Variants in MIA2 observed in about 807,000 individuals in gnomAD.
MIA2 encodes the protein melanoma inhibitory activity protein 2.
In MIA2, 127 loss-of-function variants were observed where a neutral mutation model predicts 167.8. The observed-to-expected ratio is 0.76, with a 90% CI of 0.66 to 0.88. The LOEUF (loss-of-function observed/expected upper bound fraction) is 0.88, where lower values mean the gene tolerates loss of function less well. Among genes scored for constraint, MIA2 ranks in the 40% least tolerant of loss-of-function variants. MIA2 has a pLI of 0.00. For missense variants in MIA2, 1,690 were observed against 1,624.7 expected (o/e 1.04, Z -0.69); for synonymous variants, 552 against 541.9 (o/e 1.02, Z -0.26).
In MIA2 at chr14:39,253,112, A is replaced by G. The variant is rs1263686164; in HGVS notation, c.1828A>G (p.Ile610Val). The change falls in exon 6 of 29, where the codon ATT becomes GTT. Residue 610 changes from isoleucine to valine, a missense_variant. Physicochemically the swap from Ile to Val is conservative, Grantham distance 29 (BLOSUM62 3). Transcript: ENST00000640607. ...EFQILKYLFQ[I>V]DVYDFMNSAF... ...TCAGATTCTGAAATACTTATTCCAA[A>G]TTGATGTTTATGATTTCATGAATTC... 6.2e-7 allele frequency: 1 copy of G among 1,604,722 alleles called. No individual in the cohort carries two copies. Among genetic ancestry groups the G allele is most frequent in the Non-Finnish European group, 8.5e-7 (1 of 1,175,610 alleles).
At position 39,321,072 on chromosome 14, in the gene MIA2, A is replaced by T; in HGVS notation, c.3496+16A>T. The T allele has an allele frequency of 6.2e-7, 1 of 1,602,124 alleles. No individual in the cohort carries two copies. Among genetic ancestry groups the T allele is most frequent in the Non-Finnish European group, 8.5e-7 (1 of 1,175,590 alleles). ...GGAGGAAGAGGTATATTGTTTAAAC[A>T]TCTTTATTACTCTAGATTTCTTCCT... On this transcript the variant is annotated intron_variant, in intron 24 of 28. Coordinates refer to ENST00000640607, the MANE Select transcript of MIA2 (RefSeq NM_001329214.4).
chr14:39,290,174 T>C (rs1348842321), intron 9 of MIA2, among the ~76,000 whole-genome samples: 1 of 152,202 alleles, frequency 6.6e-6, no homozygotes, highest in Non-Finnish European at 1.5e-5. Flanking sequence ...CTTCTGATTC[T>C]CCTGAAATCT....
chr14:39,246,977 G>A lies in MIA2; in HGVS notation c.403G>A (p.Gly135Ser), dbSNP rs570181343. Residue 135 changes from glycine to serine, a missense_variant, in exon 4 of 29, where the codon GGT becomes AGT. Physicochemically the swap from Gly to Ser is moderately conservative, Grantham distance 56 (BLOSUM62 0). Transcript: ENST00000640607. ...TGACAATGAAGATAGTGAATTAAAC[G>A]GTGATTATGGTGAAAATATATATCC... ...TFDNEDSELN[G>S]DYGENIYPYE... 16 of 1,548,910 alleles carry A rather than the reference G, an allele frequency of 1.0e-5. No homozygotes were observed. The highest frequency in any genetic ancestry group is 5.5e-5 in the African/African-American group (4 of 72,264).
chr14:39,364,931 C>A (rs2074784534), intron 23 of MIA2, among the ~76,000 whole-genome samples: 3 of 151,746 alleles, frequency 2.0e-5, no homozygotes, highest in Admixed American at 1.3e-4. Flanking sequence ...GTGGAGAATA[C>A]CTTTTTGAAT....
chr14:39,266,225 A>T (rs1027468608), intron 6 of MIA2: 2 of 985,334 alleles, frequency 2.0e-6, no homozygotes, highest in African/African-American at 3.5e-5. Flanking sequence ...GAGAAGGCAG[A>T]ATATAATGAG....
chr14:39,277,669 C>CTT (rs1566681756), intron 7 of MIA2, among the ~76,000 whole-genome samples: 3 of 68,266 alleles, frequency 4.4e-5, no homozygotes, highest in Non-Finnish European at 5.8e-5. Context: ...AATGTAAGAT[C>CTT]TTTTATATAT....
intron 24 of MIA2, among the ~76,000 whole-genome samples, chr14:39,322,539 CAAAA>C (rs541740480): frequency 6.4e-5 from 5 of 78,218 alleles, no homozygotes; most frequent in Admixed American, 1.3e-4. Context: ...GACTCCGTCT[CAAAA>C]AAAAAAAAAA....
At chr14:39,266,347 G>A (rs1773090729) in intron 6 of MIA2, 2 of 985,186 alleles carry the variant, frequency 2.0e-6, no homozygotes, top group Non-Finnish European at 2.4e-6. Context: ...TTTATTCGAC[G>A]GTCCTAAAAA....
chr14:39,247,962 A>G lies in MIA2; in HGVS notation c.1388A>G (p.Asn463Ser), dbSNP rs1486583479. The change falls in exon 4 of 29, where the codon AAT becomes AGT. Residue 463 changes from asparagine to serine, a missense_variant. Asn to Ser is a conservative substitution (Grantham distance 46). Coordinates refer to ENST00000640607, the MANE Select transcript of MIA2 (RefSeq NM_001329214.4). ...CCATATTTGAAAAAGTTCTTGTATA[A>G]TTTTGACAACCCTTGGAACTTCCAG... Reference protein sequence around the residue: ...TIPYLKKFLYNFDNPWNFQNI... With the variant: ...TIPYLKKFLYSFDNPWNFQNI... 6.3e-7 allele frequency: 1 copy of G among 1,597,418 alleles called. No homozygotes were observed. The highest frequency in any genetic ancestry group is 2.2e-5 in the East Asian group (1 of 44,720).
chr14:39,382,077 A>G (rs1180337520), intron 23 of MIA2, among the ~76,000 whole-genome samples: 1 of 152,212 alleles, frequency 6.6e-6, no homozygotes, highest in African/African-American at 2.4e-5. Flanking sequence ...TGCCTTCCCT[A>G]TTGGAAGCAA....
At chr14:39,269,607 CCT>C (rs1377364620) in intron 6 of MIA2, among the ~76,000 whole-genome samples, 2 of 151,746 alleles carry the variant, frequency 1.3e-5, no homozygotes, top group African/African-American at 4.8e-5. Flanking sequence ...GCAGCTTAGA[CCT>C]CTCTGGCTCA....
chr14:39,306,989 T>C (rs2063438310), intron 17 of MIA2, among the ~76,000 whole-genome samples: 1 of 152,210 alleles, frequency 6.6e-6, no homozygotes, highest in African/African-American at 2.4e-5. Flanking sequence ...TATAGATTTT[T>C]TTAAAGATGG....
chr14:39,252,675 C>G (rs2054633042), intron 4 of MIA2, 73 bp from the exon 5 acceptor site: 2 of 1,146,014 alleles, frequency 1.7e-6, no homozygotes, highest in Non-Finnish European at 2.5e-6. Context: ...AATGACCTGC[C>G]TAGAAAACAA....
intron 9 of MIA2, among the ~76,000 whole-genome samples, chr14:39,288,729 G>C (rs956070863): frequency 6.6e-6 from 1 of 151,536 alleles, no homozygotes; most frequent in African/African-American, 2.4e-5. Flanking sequence ...CCAAAGTGCT[G>C]GGATTACATG....
chr14:39,279,422 A>G (rs760782588), intron 8 of MIA2, 27 bp from the exon 9 acceptor site: 1 of 1,601,230 alleles, frequency 6.2e-7, no homozygotes, highest in Non-Finnish European at 8.5e-7. Flanking sequence ...TAATTTACTC[A>G]TGGTAATATT....
At chr14:39,349,007 C>G in intron 28 of MIA2, 30 bp downstream of exon 28, 1 of 1,588,764 alleles carries the variant, frequency 6.3e-7, no homozygotes, top group Non-Finnish European at 8.6e-7. Flanking sequence ...TTTTTTAAAG[C>G]TCAATATGTG....
intron 4 of MIA2, among the ~76,000 whole-genome samples, chr14:39,248,805 T>A (rs1001040197): frequency 6.6e-6 from 1 of 152,054 alleles, no homozygotes; most frequent in Non-Finnish European, 1.5e-5. Flanking sequence ...AGTGGCATGA[T>A]CTCAGGTCAC....
intron 1 of MIA2, among the ~76,000 whole-genome samples, chr14:39,235,117 C>T (rs1285816885): frequency 6.6e-6 from 1 of 151,702 alleles, no homozygotes; most frequent in African/African-American, 2.4e-5. Flanking sequence ...CTCACTGCAA[C>T]TTCTGCCTCC....
chr14:39,347,543 A>C, intron 26 of MIA2, 170 bp from the exon 27 acceptor site: 1 of 611,998 alleles, frequency 1.6e-6, no homozygotes, highest in Non-Finnish European at 2.9e-6. Context: ...AGTCTGCCAG[A>C]ATTTCTAGGG....
Sources: gnomAD v4.1 joint callset for allele counts (sites outside exome capture counted in the v4.1 genomes callset) on GRCh38, gnomAD v4.1.1 for gene constraint, MANE v1.5 for transcripts, NCBI Gene and HGNC (gene_info 2026-07-23, HGNC 2026-07-21) for gene names.